The following SPMAP2L variants were observed in gnomAD, a reference collection of about 807,000 sequenced individuals.
SPMAP2L encodes the protein sperm microtubule associated protein 2-like.
At chr4:56,544,823 C>G in the SPMAP2L span, among the ~76,000 whole-genome samples, 3 of 152,228 alleles carry the variant, frequency 2.0e-5, no homozygotes, top group African/African-American at 7.2e-5. Flanking sequence ...GCTTGTGGAC[C>G]TGCACAACTA....
At chr4:56,585,579 C>G in the SPMAP2L span, among the ~76,000 whole-genome samples, 2 of 152,040 alleles carry the variant, frequency 1.3e-5, no homozygotes, top group Non-Finnish European at 2.9e-5. Context: ...TGGGCTCAAG[C>G]GATCCTCCCA....
At chr4:56,569,612 C>T in the SPMAP2L span, among the ~76,000 whole-genome samples, 2 of 152,010 alleles carry the variant, frequency 1.3e-5, no homozygotes, top group Non-Finnish European at 2.9e-5. Flanking sequence ...GAGTTTGAGA[C>T]CAGACTGGCC....
the SPMAP2L span, among the ~76,000 whole-genome samples, chr4:56,576,495 G>T: frequency 1.3e-5 from 2 of 152,130 alleles, no homozygotes; most frequent in African/African-American, 2.4e-5. Context: ...TAGCTATTGG[G>T]TAATGGAAAC....
At chr4:56,555,071 CA>C in the SPMAP2L span, among the ~76,000 whole-genome samples, 5 of 151,496 alleles carry the variant, frequency 3.3e-5, no homozygotes, top group African/African-American at 1.2e-4. Context: ...TCCCAAGTAG[CA>C]GGGATTACAG....
the SPMAP2L span, among the ~76,000 whole-genome samples, chr4:56,543,630 T>G: frequency 6.6e-6 from 1 of 152,032 alleles, no homozygotes; most frequent in Non-Finnish European, 1.5e-5. Flanking sequence ...AGGCAGAGGT[T>G]GCAGTGAGCC....
At chr4:56,545,862 G>A in the SPMAP2L span, among the ~76,000 whole-genome samples, 2 of 151,980 alleles carry the variant, frequency 1.3e-5, no homozygotes, top group East Asian at 1.9e-4. Flanking sequence ...GCATGATCTC[G>A]GCTCACAGCA....
the SPMAP2L span, among the ~76,000 whole-genome samples, chr4:56,588,895 T>G: frequency 6.6e-6 from 1 of 152,214 alleles, no homozygotes; most frequent in Admixed American, 6.5e-5. Flanking sequence ...TTTCTCCACT[T>G]TATGCTTTTG....
chr4:56,593,928 G>A, the SPMAP2L span: 144 of 1,608,376 alleles, frequency 9.0e-5, no homozygotes, highest in African/African-American at 3.3e-4. Flanking sequence ...GGTCTCAAGC[G>A]AGCAGGGCAT....
At chr4:56,601,268 G>T in the SPMAP2L span, among the ~76,000 whole-genome samples, 971 of 152,110 alleles carry the variant, frequency 6.4e-3, 9 homozygotes, top group African/African-American at 0.022. Context: ...ATACATCTAT[G>T]GTCTTCTTAC....
At chr4:56,611,859 C>T in the SPMAP2L span, among the ~76,000 whole-genome samples, 2 of 152,156 alleles carry the variant, frequency 1.3e-5, no homozygotes, top group Admixed American at 1.3e-4. Flanking sequence ...TAGTTAACCC[C>T]CTTCAACTTC....
the SPMAP2L span, among the ~76,000 whole-genome samples, chr4:56,606,818 A>G: frequency 6.6e-6 from 1 of 152,204 alleles, no homozygotes; most frequent in Non-Finnish European, 1.5e-5. Context: ...TGATGTGATC[A>G]GAGTTGGCTT....
At chr4:56,559,140 G>A in the SPMAP2L span, among the ~76,000 whole-genome samples, 1 of 151,548 alleles carries the variant, frequency 6.6e-6, no homozygotes, top group Non-Finnish European at 1.5e-5. Context: ...CACCATGTTG[G>A]CCAAGCTAGT....
At chr4:56,610,833 A>G in the SPMAP2L span, among the ~76,000 whole-genome samples, 1 of 152,242 alleles carries the variant, frequency 6.6e-6, no homozygotes. Context: ...GCCAAGAAAC[A>G]TATGAAAAAA....
At chr4:56,619,648 C>T in the SPMAP2L span, among the ~76,000 whole-genome samples, 1 of 152,096 alleles carries the variant, frequency 6.6e-6, no homozygotes, top group Admixed American at 6.5e-5. Context: ...TGCAGATGAA[C>T]ATTTAGGCTG....
At chr4:56,577,532 G>A in the SPMAP2L span, among the ~76,000 whole-genome samples, 1 of 152,052 alleles carries the variant, frequency 6.6e-6, no homozygotes, top group Non-Finnish European at 1.5e-5. Context: ...GTTGCAGTGA[G>A]CAGAGATTGC....
At chr4:56,601,927 T>C in the SPMAP2L span, among the ~76,000 whole-genome samples, 2 of 152,170 alleles carry the variant, frequency 1.3e-5, no homozygotes, top group Non-Finnish European at 2.9e-5. Context: ...GGCCATATAT[T>C]TGTTTGCATA....
the SPMAP2L span, among the ~76,000 whole-genome samples, chr4:56,618,554 A>C: frequency 6.6e-6 from 1 of 152,062 alleles, no homozygotes; most frequent in South Asian, 2.1e-4. Context: ...AGTGCCAAGC[A>C]AAAAAAGAAA....
the SPMAP2L span, among the ~76,000 whole-genome samples, chr4:56,580,366 A>G: frequency 6.6e-6 from 1 of 152,234 alleles, no homozygotes; most frequent in East Asian, 1.9e-4. Context: ...AATGAAAAAA[A>G]CAAAAACTAC....
the SPMAP2L span, among the ~76,000 whole-genome samples, chr4:56,620,386 G>GTTT: frequency 0.032 from 4,515 of 141,922 alleles, 240 homozygotes; most frequent in African/African-American, 0.11. Flanking sequence ...TAGCCTTCTA[G>GTTT]TTTTTTTTTT....
Sources: gnomAD v4.1 joint callset for allele counts (sites outside exome capture counted in the v4.1 genomes callset) on GRCh38, gnomAD v4.1.1 for gene constraint, MANE v1.5 for transcripts, NCBI Gene and HGNC (gene_info 2026-07-23, HGNC 2026-07-21) for gene names.